Variants in MDGA2 observed in about 807,000 individuals in gnomAD.
MDGA2 encodes the protein MAM domain-containing glycosylphosphatidylinositol anchor protein 2.
A neutral mutation model predicts 117.8 loss-of-function variants in MDGA2; 40 were observed. The observed-to-expected ratio is 0.34, with a 90% CI of 0.26 to 0.44. The LOEUF (loss-of-function observed/expected upper bound fraction) is 0.44. MDGA2 is among the 20% of genes least tolerant of loss of function. The pLI is 1.00. For missense variants in MDGA2, 1,123 were observed against 1,250.6 expected, an observed-to-expected ratio of 0.90 and a Z score of 1.54; for synonymous variants, 452 against 439.0, an observed-to-expected ratio of 1.03 and a Z score of -0.37.
At chr14:46,886,456 G>A (rs1882680399) in intron 10 of MDGA2, among the ~76,000 whole-genome samples, 1 of 151,968 alleles carries the variant, frequency 6.6e-6, no homozygotes, top group African/African-American at 2.4e-5. Context: ...GTATAGCTAT[G>A]TACATATTAA....
At chr14:47,300,838 T>A (rs1469945762) in intron 2 of MDGA2, among the ~76,000 whole-genome samples, 3 of 152,120 alleles carry the variant, frequency 2.0e-5, no homozygotes, top group Admixed American at 2.0e-4. Context: ...CCTTTAAAAG[T>A]CTCCATTTTT....
intron 3 of MDGA2, among the ~76,000 whole-genome samples, chr14:47,150,752 T>C (rs1445189594): frequency 2.6e-5 from 4 of 151,890 alleles, no homozygotes; most frequent in African/African-American, 7.3e-5. Flanking sequence ...GGTGAAACCT[T>C]GTCTCTACTA....
At chr14:46,943,213 T>C (rs1024668758) in intron 9 of MDGA2, among the ~76,000 whole-genome samples, 1 of 152,054 alleles carries the variant, frequency 6.6e-6, no homozygotes. Context: ...GCCAGCATTT[T>C]TATGTCTGCT....
chr14:47,326,940 T>G (rs1047938313), intron 1 of MDGA2, among the ~76,000 whole-genome samples: 1 of 152,090 alleles, frequency 6.6e-6, no homozygotes, highest in Non-Finnish European at 1.5e-5. Flanking sequence ...AAATCATGAT[T>G]GAAGAGATAT....
rs532132167 is a variant in MDGA2, at chr14:47,372,895, A to G, written c.281-71345T>C. On this transcript the variant is annotated intron_variant, in intron 1 of 16. Coordinates refer to ENST00000399232, the MANE Select transcript of MDGA2 (RefSeq NM_001113498.3). ...TTTATGGAATGCTGTGTCACTAGGA[A>G]GAATGAGTCAGAGCTATCTCTTTTG... Among the ~76,000 whole-genome samples the G allele has an allele frequency of 1.3e-4, 20 of 152,152 alleles. No homozygotes were observed. In the East Asian group the frequency reaches 1.7e-3, roughly 13 times the overall value.
intron 1 of MDGA2, among the ~76,000 whole-genome samples, chr14:47,514,982 G>A (rs1894721649): frequency 2.0e-5 from 3 of 152,252 alleles, no homozygotes; most frequent in Non-Finnish European, 4.4e-5. Context: ...GATTAACTAT[G>A]TTTTGTCTCT....
At chr14:47,009,838 C>A (rs772014983) in intron 8 of MDGA2, among the ~76,000 whole-genome samples, 1 of 151,994 alleles carries the variant, frequency 6.6e-6, no homozygotes, top group Non-Finnish European at 1.5e-5. Flanking sequence ...CCCTTGCGTC[C>A]GAGCTGTGCC....
chr14:46,848,397 T>C (rs1192189083), intron 15 of MDGA2, among the ~76,000 whole-genome samples: 1 of 151,976 alleles, frequency 6.6e-6, no homozygotes, highest in African/African-American at 2.4e-5. Context: ...TGAGATTTCT[T>C]TAAAAATCAA....
At chr14:47,475,014 T>C (rs1893808018) in intron 1 of MDGA2, among the ~76,000 whole-genome samples, 1 of 151,854 alleles carries the variant, frequency 6.6e-6, no homozygotes. Flanking sequence ...TTCCTGCACA[T>C]CAAAAAGAAA....
intron 1 of MDGA2, among the ~76,000 whole-genome samples, chr14:47,523,220 T>C (rs181929149): frequency 2.0e-5 from 3 of 152,306 alleles, no homozygotes; most frequent in Admixed American, 2.0e-4. Flanking sequence ...TTCTCGCTTA[T>C]TCAGGTTTCA....
rs1349153647 is a variant in MDGA2 at position 47,380,823 on chromosome 14, T to A, written c.281-79273A>T. Reference sequence around the variant, plus strand: ...ACCATTCCTTCTGAAACTATTCCAATGAATAGAAAAAGAGGGAATCCTCCC... The same window carrying A: ...ACCATTCCTTCTGAAACTATTCCAAAGAATAGAAAAAGAGGGAATCCTCCC... On this transcript the variant is annotated intron_variant, in intron 1 of 16. Coordinates refer to ENST00000399232, the MANE Select transcript of MDGA2 (RefSeq NM_001113498.3). Among the ~76,000 whole-genome samples, 3 of 151,838 alleles carry A rather than the reference T, an allele frequency of 2.0e-5. No homozygotes were observed. In the East Asian group the frequency reaches 5.8e-4, roughly 29 times the overall value.
intron 9 of MDGA2, among the ~76,000 whole-genome samples, chr14:46,952,432 A>G (rs1329518794): frequency 6.6e-6 from 1 of 151,984 alleles, no homozygotes. Flanking sequence ...GAACAGAACC[A>G]TCGTGTTACT....
chr14:47,393,971 C>T (rs1263970565), intron 1 of MDGA2, among the ~76,000 whole-genome samples: 1 of 152,056 alleles, frequency 6.6e-6, no homozygotes, highest in Non-Finnish European at 1.5e-5. Context: ...GTGGCTTAGT[C>T]AGAAGAAGAA....
At chr14:47,608,739 G>C (rs1423221370) in intron 1 of MDGA2, among the ~76,000 whole-genome samples, 1 of 152,102 alleles carries the variant, frequency 6.6e-6, no homozygotes, top group African/African-American at 2.4e-5. Flanking sequence ...AATCACTCTG[G>C]CTGCTGTACT....
At chr14:47,156,256 T>C (rs1045900154) in intron 3 of MDGA2, among the ~76,000 whole-genome samples, 11 of 152,180 alleles carry the variant, frequency 7.2e-5, no homozygotes, top group African/African-American at 2.7e-4. Flanking sequence ...AAGGTTTTCA[T>C]TTAAGCTTCT....
chr14:47,473,020 G>A (rs999048225), intron 1 of MDGA2, among the ~76,000 whole-genome samples: 2 of 152,120 alleles, frequency 1.3e-5, no homozygotes, highest in Non-Finnish European at 1.5e-5. Context: ...GGGGAAATGC[G>A]AGTAGAAGCA....
At chr14:47,079,752 G>A (rs1248233008) in intron 6 of MDGA2, among the ~76,000 whole-genome samples, 6 of 10,042 alleles carry the variant, frequency 6.0e-4, no homozygotes, top group African/African-American at 6.0e-3. Context: ...TTTTTTTTGA[G>A]ACAGAGTCTC....
intron 8 of MDGA2, among the ~76,000 whole-genome samples, chr14:47,027,030 C>G (rs1254081057): frequency 6.6e-6 from 1 of 151,656 alleles, no homozygotes; most frequent in Non-Finnish European, 1.5e-5. Context: ...AAAATTAGCC[C>G]AGCATGGTGG....
At chr14:46,859,140 G>A (rs371498025) in intron 14 of MDGA2, among the ~76,000 whole-genome samples, 8 of 152,232 alleles carry the variant, frequency 5.3e-5, no homozygotes, top group African/African-American at 1.7e-4. Context: ...AGAATGTCTA[G>A]AGAAGGCCTT....
Sources: gnomAD v4.1 joint callset for allele counts (sites outside exome capture counted in the v4.1 genomes callset) on GRCh38, gnomAD v4.1.1 for gene constraint, MANE v1.5 for transcripts, NCBI Gene and HGNC (gene_info 2026-07-23, HGNC 2026-07-21) for gene names.